PARD3B: variants seen among roughly 807,000 people sequenced by gnomAD.
PARD3B encodes partitioning defective 3 homolog B.
In PARD3B, 103 loss-of-function variants were observed where a neutral mutation model predicts 130.2. The ratio of observed to expected loss-of-function variants is 0.79; its 90% confidence interval spans 0.67 to 0.93. The LOEUF (loss-of-function observed/expected upper bound fraction) is 0.93. Among genes scored for constraint, PARD3B ranks in the 40% least tolerant of loss-of-function variants. The pLI is 0.00. For synonymous variants in PARD3B, 583 were observed against 553.2 expected (o/e 1.05, Z -0.76); for missense variants, 1,609 against 1,499.2 (o/e 1.07, Z -1.21).
chr2:205,112,821 C>A (rs1344085718), intron 5 of PARD3B, among the ~76,000 whole-genome samples: 1 of 152,098 alleles, frequency 6.6e-6, no homozygotes, highest in Non-Finnish European at 1.5e-5. Context: ...CTTTCTATTT[C>A]TTTCTATAAT....
intron 1 of PARD3B, among the ~76,000 whole-genome samples, chr2:204,574,613 G>A (rs1021168333): frequency 6.6e-6 from 1 of 152,210 alleles, no homozygotes; most frequent in South Asian, 2.1e-4. Context: ...TATACTAGTT[G>A]TATGATCTTA....
At chr2:205,573,890 C>T (rs2053648553) in intron 22 of PARD3B, among the ~76,000 whole-genome samples, 1 of 152,108 alleles carries the variant, frequency 6.6e-6, no homozygotes, top group Non-Finnish European at 1.5e-5. Context: ...ACTTAAAATC[C>T]ATACCGTGGC....
At chr2:204,633,869 A>G (rs1332948783) in intron 1 of PARD3B, among the ~76,000 whole-genome samples, 3 of 152,140 alleles carry the variant, frequency 2.0e-5, no homozygotes, top group African/African-American at 4.8e-5. Context: ...CATAGTAGGT[A>G]TGTATATTTA....
intron 1 of PARD3B, among the ~76,000 whole-genome samples, chr2:204,570,091 T>C (rs1559161726): frequency 6.6e-6 from 1 of 152,074 alleles, no homozygotes; most frequent in East Asian, 1.9e-4. Context: ...AGTCAAGATA[T>C]TGGGGCCTCC....
At chr2:205,376,874 A>G (rs765428224) in intron 18 of PARD3B, among the ~76,000 whole-genome samples, 7 of 152,158 alleles carry the variant, frequency 4.6e-5, no homozygotes, top group Admixed American at 1.3e-4. Flanking sequence ...ACATGGGTAG[A>G]TGGCTTCAGT....
chr2:204,909,012 C>T (rs1005014466), intron 2 of PARD3B, among the ~76,000 whole-genome samples: 2 of 152,040 alleles, frequency 1.3e-5, no homozygotes. Context: ...TGTCCTTCAG[C>T]AGAATTGCTT....
intron 1 of PARD3B, among the ~76,000 whole-genome samples, chr2:204,684,857 A>G (rs2037003726): frequency 6.6e-6 from 1 of 152,178 alleles, no homozygotes; most frequent in Non-Finnish European, 1.5e-5. Context: ...TTTTACTTGA[A>G]ATTCAATACT....
chr2:205,271,604 G>A (rs561649882), intron 16 of PARD3B, among the ~76,000 whole-genome samples: 1 of 152,258 alleles, frequency 6.6e-6, no homozygotes, highest in South Asian at 2.1e-4. Flanking sequence ...TGGAAAGTAT[G>A]TGAGCTTAGT....
At chr2:205,185,742 T>C (rs1321458078) in intron 13 of PARD3B, 22 bp from the exon 14 acceptor site, 3 of 1,602,464 alleles carry the variant, frequency 1.9e-6, no homozygotes, top group Middle Eastern at 1.6e-4. Context: ...TTTATACAGC[T>C]TCATTTGTTC....
chr2:205,530,636 G>A lies in PARD3B; in HGVS notation c.3181-22688G>A, dbSNP rs1393007284. 6.6e-6 allele frequency among the ~76,000 whole-genome samples: 1 copy of A among 152,028 alleles called. No individual in the cohort carries two copies. Among genetic ancestry groups the A allele is most frequent in the Non-Finnish European group, 1.5e-5 (1 of 68,032 alleles). On this transcript the variant is annotated intron_variant, in intron 21 of 22. Transcript: ENST00000406610. The surrounding 1 kb of genome is among the most constrained non-coding windows in gnomAD (Gnocchi z 4.7). ...GGAGCTAGAGAATCCGAGATTCAGA[G>A]AGGGGCAAAATGTCTCTGGCGTGTG...
chr2:205,425,585 G>A (rs1224497091), intron 19 of PARD3B, among the ~76,000 whole-genome samples: 1 of 151,422 alleles, frequency 6.6e-6, no homozygotes, highest in Non-Finnish European at 1.5e-5. Context: ...CATTTGATTT[G>A]GGGAATGTGC....
intron 2 of PARD3B, among the ~76,000 whole-genome samples, chr2:204,892,135 T>C (rs1355824522): frequency 6.6e-6 from 1 of 152,142 alleles, no homozygotes; most frequent in Non-Finnish European, 1.5e-5. Context: ...GTCTTATTTG[T>C]AGAGAAGAGG....
chr2:204,578,198 T>C (rs2032367046), intron 1 of PARD3B, among the ~76,000 whole-genome samples: 1 of 152,222 alleles, frequency 6.6e-6, no homozygotes, highest in South Asian at 2.1e-4. Flanking sequence ...TGTACAGTTC[T>C]GCAAGATATT....
chr2:204,610,415 G>T lies in PARD3B; in HGVS notation c.120+64296G>T, dbSNP rs1475035226. 1.3e-5 allele frequency among the ~76,000 whole-genome samples: 2 copies of T among 152,154 alleles called. No individual in the cohort carries two copies. The highest frequency in any genetic ancestry group is 6.5e-5 in the Admixed American group (1 of 15,278). ...CTGTTGCCTAGGCTGGAGGGCAGTG[G>T]CACGGTCTTGGCTTACTGCAACCTC... On this transcript the variant is annotated intron_variant, in intron 1 of 22. Transcript: ENST00000406610. This position sits in a 1 kb window ranked among gnomAD's most constrained non-coding sequence, Gnocchi z 4.1.
chr2:205,054,425 TATATA>T (rs1304893091), intron 4 of PARD3B, among the ~76,000 whole-genome samples: 5 of 22,340 alleles, frequency 2.2e-4, no homozygotes, highest in Non-Finnish European at 3.0e-4. Context: ...TATATATATA[TATATA>T]TATATATTTT....
intron 2 of PARD3B, among the ~76,000 whole-genome samples, chr2:204,883,017 A>G (rs545985688): frequency 2.0e-5 from 3 of 152,298 alleles, no homozygotes; most frequent in South Asian, 2.1e-4. Flanking sequence ...CTTGTAGTCT[A>G]TGTCTAGAAA....
chr2:205,532,009 G>A lies in PARD3B; in HGVS notation c.3181-21315G>A, dbSNP rs181188997. 2.0e-5 allele frequency among the ~76,000 whole-genome samples: 3 copies of A among 152,020 alleles called. No homozygotes were observed. In the East Asian group the frequency reaches 5.8e-4, roughly 29 times the overall value. On this transcript the variant is annotated intron_variant, in intron 21 of 22. Transcript: ENST00000406610. ...AATGCATTCTAGCAGCGTGAACACCGCTATTAATCAACACTTGTAGCAATA... is the reference window on the plus strand; with the variant it reads ...AATGCATTCTAGCAGCGTGAACACCACTATTAATCAACACTTGTAGCAATA...
At chr2:204,796,874 G>A (rs2042392390) in intron 2 of PARD3B, among the ~76,000 whole-genome samples, 1 of 152,068 alleles carries the variant, frequency 6.6e-6, no homozygotes, top group South Asian at 2.1e-4. Context: ...TTCTTTGACT[G>A]TACATTAAAC....
chr2:204,986,726 T>C (rs1693189789), intron 3 of PARD3B, among the ~76,000 whole-genome samples: 1 of 152,134 alleles, frequency 6.6e-6, no homozygotes, highest in African/African-American at 2.4e-5. Context: ...GCTAGAAGAG[T>C]AATTTTCATT....
Sources: allele counts gnomAD v4.1 joint callset (sites outside exome capture counted in the v4.1 genomes callset), GRCh38; gene constraint gnomAD v4.1.1; non-coding constraint Gnocchi (gnomAD v3.1); transcripts MANE v1.5; gene names NCBI Gene and HGNC (gene_info 2026-07-23, HGNC 2026-07-21).